Variants in SUPT20H observed in about 807,000 individuals in gnomAD.
The protein encoded by SUPT20H is transcription factor SPT20 homolog.
A neutral mutation model predicts 122.8 loss-of-function variants in SUPT20H; 82 were observed. That is an observed-to-expected ratio of 0.67 (90% CI 0.56 to 0.80). The LOEUF (loss-of-function observed/expected upper bound fraction) is 0.80, where lower values mean the gene tolerates loss of function less well. Among genes scored for constraint, SUPT20H ranks in the 30% least tolerant of loss-of-function variants. SUPT20H has a pLI of 0.00. For missense variants in SUPT20H, 831 were observed against 921.6 expected, an observed-to-expected ratio of 0.90 and a Z score of 1.27; for synonymous variants, 291 against 313.0, an observed-to-expected ratio of 0.93 and a Z score of 0.74.
chr13:37,025,347 ACT>A lies in SUPT20H; in HGVS notation c.1300_1301del (p.Gln435GlyfsTer11). 6.2e-7 allele frequency: 1 copy of A among 1,613,794 alleles called. No individual in the cohort carries two copies. Among genetic ancestry groups the A allele is most frequent in the South Asian group, 1.1e-5 (1 of 91,086 alleles). The part of the protein sequence containing the change: ...SHSSSGSASL[S>X]QVSPGKETDQ... ...CTGTTTCTTTCCCTGGAGAAACCTG[ACT>A]CAGACTGGCTGAGCCACTGGAGCTG... On this transcript the variant is annotated frameshift_variant, in exon 17 of 26. Coordinates refer to ENST00000350612, the MANE Select transcript of SUPT20H (RefSeq NM_001014286.3). LOFTEE classifies it high-confidence loss of function.
At chr13:37,013,685 G>C (rs1043037492) in intron 23 of SUPT20H, 16 of 151,898 alleles carry the variant, frequency 1.1e-4, no homozygotes, top group African/African-American at 3.9e-4. Context: ...ACATCCTTTG[G>C]TACCACCTAA....
intron 22 of SUPT20H, among the ~76,000 whole-genome samples, chr13:37,017,931 T>A (rs2060801327): frequency 6.6e-6 from 1 of 152,124 alleles, no homozygotes; most frequent in African/African-American, 2.4e-5. Context: ...TAAAAAACAA[T>A]TTTTAAAGAA....
intron 24 of SUPT20H, 177 bp from the exon 25 acceptor site, chr13:37,010,832 T>C: frequency 2.0e-6 from 1 of 512,218 alleles, no homozygotes; most frequent in Non-Finnish European, 3.5e-6. Flanking sequence ...TAGTTGGGGG[T>C]ACCACTGATA....
chr13:37,018,966 A>G (rs980449054), intron 22 of SUPT20H, among the ~76,000 whole-genome samples: 2 of 152,114 alleles, frequency 1.3e-5, no homozygotes, highest in Non-Finnish European at 2.9e-5. Flanking sequence ...CTATTTTTTA[A>G]ATCTCCTTCA....
intron 17 of SUPT20H, 60 bp from the exon 18 acceptor site, chr13:37,024,502 G>T: frequency 9.2e-7 from 1 of 1,082,130 alleles, no homozygotes; most frequent in Non-Finnish European, 1.3e-6. Flanking sequence ...AACCCCAGAT[G>T]ATATTTATAT....
intron 23 of SUPT20H, chr13:37,013,007 GA>G (rs1325895276): frequency 6.6e-6 from 1 of 152,058 alleles, no homozygotes; most frequent in Non-Finnish European, 1.5e-5. Context: ...TCATGTACTG[GA>G]AGACTCACAT....
At chr13:37,056,916 G>C (rs901602318) in intron 1 of SUPT20H, 1 of 152,192 alleles carries the variant, frequency 6.6e-6, no homozygotes, top group African/African-American at 2.4e-5. Context: ...GTGAGGCACA[G>C]TCCCCATTTT....
At position 37,017,296 on chromosome 13, in the gene SUPT20H, TG is replaced by T. The variant is rs754921797; in HGVS notation, c.1940del (p.Pro647HisfsTer44). The T allele has an allele frequency of 6.2e-7, 1 of 1,614,140 alleles. No individual in the cohort carries two copies. On this transcript the variant is annotated frameshift_variant, in exon 23 of 26. Transcript: ENST00000350612. LOFTEE classifies it high-confidence loss of function. ...QQQQQLSQFT[P>X]QQPQQPTTCS... Reference sequence around the variant, plus strand: ...AAGTTGTGGGCTGCTGAGGTTGTTGTGGTGTAAACTGGGAGAGCTGCTGTTG... The same window carrying T: ...AAGTTGTGGGCTGCTGAGGTTGTTGTGTGTAAACTGGGAGAGCTGCTGTTG...
intron 1 of SUPT20H, among the ~76,000 whole-genome samples, chr13:37,055,715 T>C (rs184802671): frequency 6.3e-4 from 96 of 152,302 alleles, no homozygotes; most frequent in African/African-American, 2.0e-3. Flanking sequence ...GGGCAAGGAC[T>C]TCATGTCTAA....
chr13:37,010,813 G>T, intron 24 of SUPT20H, 158 bp from the exon 25 acceptor site: 1 of 556,504 alleles, frequency 1.8e-6, no homozygotes. Context: ...TTAGTATATG[G>T]TCTCCTGTTA....
intron 22 of SUPT20H, among the ~76,000 whole-genome samples, chr13:37,018,983 A>C (rs1052643443): frequency 1.3e-5 from 2 of 152,084 alleles, no homozygotes; most frequent in Admixed American, 6.5e-5. Context: ...TTCAAGCACA[A>C]AAAAAAACCA....
At chr13:37,012,554 T>G (rs542847189) in intron 23 of SUPT20H, 1 of 250,772 alleles carries the variant, frequency 4.0e-6, no homozygotes, top group African/African-American at 2.2e-5. Context: ...AAGGCTTTTA[T>G]AAAGCTTCAC....
intron 3 of SUPT20H, 144 bp downstream of exon 3, chr13:37,048,420 A>G (rs531536611): frequency 9.5e-5 from 51 of 536,382 alleles, no homozygotes; most frequent in Middle Eastern, 7.6e-4. Context: ...TGGTATTTTT[A>G]TATATTTACA....
intron 24 of SUPT20H, chr13:37,010,950 T>C (rs1486544762): frequency 4.6e-6 from 1 of 218,136 alleles, no homozygotes; most frequent in Non-Finnish European, 9.2e-6. Context: ...CTATTTTGTT[T>C]AGAAGAGTAT....
intron 23 of SUPT20H, chr13:37,013,251 CAT>C (rs1350241941): frequency 3.3e-5 from 5 of 152,050 alleles, no homozygotes; most frequent in Admixed American, 3.3e-4. Flanking sequence ...AGGAGAGACA[CAT>C]AGATTAATGA....
intron 24 of SUPT20H, 86 bp from the exon 25 acceptor site, chr13:37,010,741 A>T: frequency 1.1e-6 from 1 of 923,910 alleles, no homozygotes; most frequent in Non-Finnish European, 1.7e-6. Context: ...AAAATGAAAT[A>T]ATAGAAAAGT....
Position 37,041,467 on chromosome 13 carries a change from G to A in SUPT20H, c.397-775C>T, listed in dbSNP as rs143643123. ...CAGGCGGTGGGGCTTGCAGTGAGCC[G>A]AGATTGGGCCACTGCATTCCAGCCT... On this transcript the variant is annotated intron_variant, in intron 7 of 25. Transcript: ENST00000350612. Among the ~76,000 whole-genome samples the A allele has an allele frequency of 4.7e-3, 715 of 151,110 alleles. 7 individuals carry two copies. Among genetic ancestry groups the A allele is most frequent in the African/African-American group, 0.016 (670 of 41,148 alleles).
At position 37,009,761 on chromosome 13, in the gene SUPT20H, G is replaced by A; in HGVS notation, c.2251C>T (p.Gln751Ter). 1 of 1,613,780 alleles carries A rather than the reference G, an allele frequency of 6.2e-7. No individual in the cohort carries two copies. Among genetic ancestry groups the A allele is most frequent in the Non-Finnish European group, 8.5e-7 (1 of 1,179,880 alleles). ...CGATGATGATGTAGCTGAGCTGTTT[G>A]TGCTGCTGCTGCTGCCATAGCCATT... is the stretch of plus-strand genomic sequence containing the variant. ...HQMAMAAAAAQTAQLHHHRHT... is the reference protein window; with the variant it reads ...HQMAMAAAAA Residue 751 changes from glutamine to a stop codon, truncating the protein, a stop_gained, in exon 26 of 26, where the codon CAA (glutamine) becomes TAA (stop). Coordinates refer to ENST00000350612, the MANE Select transcript of SUPT20H (RefSeq NM_001014286.3). LOFTEE classifies it high-confidence loss of function.
chr13:37,026,386 A>G (rs2062282599), intron 15 of SUPT20H, 150 bp from the exon 16 acceptor site: 1 of 477,550 alleles, frequency 2.1e-6, no homozygotes, highest in East Asian at 3.6e-5. Context: ...AATTTTTTTA[A>G]TGCATTTAAA....
Sources: gnomAD v4.1 joint callset for allele counts (sites outside exome capture counted in the v4.1 genomes callset) on GRCh38, gnomAD v4.1.1 for gene constraint, MANE v1.5 for transcripts, NCBI Gene and HGNC (gene_info 2026-07-23, HGNC 2026-07-21) for gene names.